SLMAP: variants seen among roughly 807,000 people sequenced by gnomAD.
The protein encoded by SLMAP is sarcolemmal membrane-associated protein.
SLMAP carries 44 observed loss-of-function variants against 128.8 expected under a neutral mutation model. The ratio of observed to expected loss-of-function variants is 0.34; its 90% CI spans 0.27 to 0.44. The LOEUF (loss-of-function observed/expected upper bound fraction) is 0.44, where lower values mean the gene tolerates loss of function less well. SLMAP is among the 20% of genes least tolerant of loss of function. The pLI is 1.00. For synonymous variants in SLMAP, 327 were observed against 348.8 expected (o/e 0.94, Z 0.70); for missense variants, 787 against 985.3 (o/e 0.80, Z 2.69).
intron 2 of SLMAP, among the ~76,000 whole-genome samples, chr3:57,778,961 A>T: frequency 6.6e-6 from 1 of 151,966 alleles, no homozygotes; most frequent in East Asian, 1.9e-4. Context: ...ACTCTAGGAA[A>T]TTTTTTTTAT....
At chr3:57,780,520 G>A (rs975686773) in intron 2 of SLMAP, among the ~76,000 whole-genome samples, 2 of 152,078 alleles carry the variant, frequency 1.3e-5, no homozygotes, top group East Asian at 3.8e-4. Flanking sequence ...ACTTGGATAG[G>A]TGAGGTGTTA....
At chr3:57,876,434 T>G (rs974629802) in intron 14 of SLMAP, among the ~76,000 whole-genome samples, 1 of 152,232 alleles carries the variant, frequency 6.6e-6, no homozygotes, top group Non-Finnish European at 1.5e-5. Flanking sequence ...AATAATGTTT[T>G]GCATAATTTC....
chr3:57,895,336 T>C lies in SLMAP; in HGVS notation c.1361-1175T>C, dbSNP rs139716812. Among the ~76,000 whole-genome samples, 127 of 152,140 alleles carry C rather than the reference T, an allele frequency of 8.3e-4. 1 individual carries two copies. The highest frequency in any genetic ancestry group is 2.6e-3 in the African/African-American group (107 of 41,522). ...ACAATTTCAAAACTTTTTTTTTCTT[T>C]CTTTCTTTCTTTATTTTGAGACAGA... On this transcript the variant is annotated intron_variant, in intron 15 of 24. Coordinates refer to ENST00000671191, the MANE Select transcript of SLMAP (RefSeq NM_001377540.1).
At chr3:57,848,684 T>C (rs1309842267) in intron 5 of SLMAP, among the ~76,000 whole-genome samples, 1 of 148,832 alleles carries the variant, frequency 6.7e-6, no homozygotes, top group East Asian at 2.0e-4. Context: ...TCTTCCTTCC[T>C]TCTTCTTTCT....
At chr3:57,782,534 A>G (rs1002165263) in intron 2 of SLMAP, among the ~76,000 whole-genome samples, 1 of 152,160 alleles carries the variant, frequency 6.6e-6, no homozygotes, top group African/African-American at 2.4e-5. Flanking sequence ...GTGTAGCGGC[A>G]TGATCTGGGC....
intron 2 of SLMAP, among the ~76,000 whole-genome samples, chr3:57,815,554 GATA>G (rs753056173): frequency 2.6e-5 from 4 of 151,826 alleles, no homozygotes; most frequent in South Asian, 2.1e-4. Flanking sequence ...GTATCATTCT[GATA>G]ATAACCATAA....
Position 57,757,513 on chromosome 3 carries a change from G to A in SLMAP, c.-139G>A. On this transcript the variant is annotated 5_prime_UTR_variant, in exon 2 of 25. Coordinates refer to ENST00000671191, the MANE Select transcript of SLMAP (RefSeq NM_001377540.1). ...CCCAAGTGAAGAGTTGATGTTCACT[G>A]GTTATGCTTAGACAATGTGCAGTTT... 1.4e-6 allele frequency: 1 copy of A among 730,710 alleles called. No homozygotes were observed. The allele number at this position is 730,710 out of a possible 1,614,324, so 45.3% of individuals were successfully genotyped here.
chr3:57,896,943 A>T lies in SLMAP; in HGVS notation c.1501+11A>T, dbSNP rs2096257812. The T allele has an allele frequency of 1.9e-6, 3 of 1,613,314 alleles. No homozygotes were observed. Among genetic ancestry groups the T allele is most frequent in the Non-Finnish European group, 2.5e-6 (3 of 1,179,720 alleles). ...TGTCCCTTTTAAAAGGTACTTTAACATGTTTTTATGACATCGTAAACCAGG... is the reference window on the plus strand; with the variant it reads ...TGTCCCTTTTAAAAGGTACTTTAACTTGTTTTTATGACATCGTAAACCAGG... On this transcript the variant is annotated intron_variant, in intron 17 of 24. Transcript: ENST00000671191.
chr3:57,776,058 C>T (rs1163704126), intron 2 of SLMAP, among the ~76,000 whole-genome samples: 2 of 152,144 alleles, frequency 1.3e-5, no homozygotes, highest in Non-Finnish European at 2.9e-5. Context: ...CTCATTCTCC[C>T]TTCTGGAATC....
At chr3:57,908,080 G>A (rs2096610774) in intron 18 of SLMAP, 74 bp downstream of exon 18, 1 of 1,375,454 alleles carries the variant, frequency 7.3e-7, no homozygotes, top group Non-Finnish European at 1.0e-6. Context: ...CCCCAAACTT[G>A]GAGTCCGGAG....
chr3:57,885,920 A>G (rs1280639094), intron 14 of SLMAP, among the ~76,000 whole-genome samples: 1 of 148,540 alleles, frequency 6.7e-6, no homozygotes, highest in Non-Finnish European at 1.5e-5. Flanking sequence ...AGTAGCTGGG[A>G]TTACAGGCGT....
At chr3:57,824,951 T>G (rs1227454783) in intron 2 of SLMAP, among the ~76,000 whole-genome samples, 3 of 152,242 alleles carry the variant, frequency 2.0e-5, no homozygotes, top group Non-Finnish European at 4.4e-5. Context: ...TTACAGTTTT[T>G]AAATGTAAAA....
At chr3:57,827,007 A>G (rs572560346) in intron 2 of SLMAP, among the ~76,000 whole-genome samples, 2 of 152,178 alleles carry the variant, frequency 1.3e-5, no homozygotes, top group South Asian at 2.1e-4. Flanking sequence ...TGGTTTTGCT[A>G]TCTTAGTCAC....
At chr3:57,772,530 A>T (rs115487581) in intron 2 of SLMAP, among the ~76,000 whole-genome samples, 1 of 152,362 alleles carries the variant, frequency 6.6e-6, no homozygotes, top group African/African-American at 2.4e-5. Flanking sequence ...TATAATGTTG[A>T]CATTTGATAT....
At chr3:57,878,741 A>C (rs557012573) in intron 14 of SLMAP, among the ~76,000 whole-genome samples, 10 of 152,260 alleles carry the variant, frequency 6.6e-5, no homozygotes, top group Non-Finnish European at 1.0e-4. Context: ...GAAGCTGTGC[A>C]TAATTACCAG....
At chr3:57,863,188 C>A (rs571495909) in intron 10 of SLMAP, among the ~76,000 whole-genome samples, 5 of 152,118 alleles carry the variant, frequency 3.3e-5, no homozygotes, top group Non-Finnish European at 7.3e-5. Flanking sequence ...AGCTGCCATT[C>A]CCTCTATCTA....
chr3:57,783,837 A>G (rs2083535344), intron 2 of SLMAP, among the ~76,000 whole-genome samples: 2 of 152,180 alleles, frequency 1.3e-5, no homozygotes, highest in African/African-American at 2.4e-5. Flanking sequence ...AGTCAGGGCC[A>G]GGGCACCCTT....
intron 13 of SLMAP, among the ~76,000 whole-genome samples, chr3:57,870,196 A>G (rs1316780736): frequency 2.6e-5 from 4 of 152,100 alleles, no homozygotes; most frequent in Non-Finnish European, 5.9e-5. Flanking sequence ...GAGTTTATAT[A>G]TATATAACAT....
Position 57,927,440 on chromosome 3 carries a change from C to T in SLMAP, c.*151C>T. ...CCTCCCTCTAGAAGCTGGCATCACA[C>T]TCATGCTGGGGACAAACAGAACCAT... On this transcript the variant is annotated 3_prime_UTR_variant, in exon 25 of 25. Coordinates refer to ENST00000671191, the MANE Select transcript of SLMAP (RefSeq NM_001377540.1). 5 of 1,129,722 alleles carry T rather than the reference C, an allele frequency of 4.4e-6. No homozygotes were observed. Among genetic ancestry groups the T allele is most frequent in the Non-Finnish European group, 6.4e-6 (5 of 775,900 alleles). 70.0% of individuals were successfully genotyped at this position (1,129,722 alleles called of 1,614,324 possible).
Sources: allele counts gnomAD v4.1 joint callset (sites outside exome capture counted in the v4.1 genomes callset), GRCh38; gene constraint gnomAD v4.1.1; transcripts MANE v1.5; gene names NCBI Gene and HGNC (gene_info 2026-07-23, HGNC 2026-07-21).